Variants in CFAP54 observed in about 807,000 individuals in gnomAD.
The protein encoded by CFAP54 is cilia and flagella associated protein 54.
Under a neutral mutation model 370.4 loss-of-function variants are expected in CFAP54, and 290 were observed. The observed-to-expected ratio is 0.78, with a 90% CI of 0.71 to 0.86. The LOEUF (loss-of-function observed/expected upper bound fraction) is 0.86, where lower values mean the gene tolerates loss of function less well. CFAP54 is among the 40% of genes least tolerant of loss of function. The pLI, the probability that CFAP54 is intolerant of heterozygous loss-of-function variation, is 0.00. For synonymous variants in CFAP54, 1,206 were observed against 1,236.5 expected (o/e 0.98, Z 0.52); for missense variants, 3,399 against 3,528.7 (o/e 0.96, Z 0.93).
At chr12:96,639,283 G>A (rs1348268537) in intron 32 of CFAP54, among the ~76,000 whole-genome samples, 7 of 152,094 alleles carry the variant, frequency 4.6e-5, no homozygotes, top group African/African-American at 9.7e-5. Flanking sequence ...AACTACCATC[G>A]GAGAATACTA....
Position 96,718,664 on chromosome 12 carries a change from G to T in CFAP54, c.6804+142G>T, listed in dbSNP as rs558364685. 8 of 570,158 alleles carry T rather than the reference G, an allele frequency of 1.4e-5. No individual in the cohort carries two copies. In the South Asian group the frequency reaches 1.7e-4, roughly 12 times the overall value. 35.3% of individuals were successfully genotyped at this position (570,158 alleles called of 1,614,324 possible). Reference sequence around the variant, plus strand: ...TGTGTAAGAATGGGTTGGAGCCAGAGGTGGAGTTTACTCCTCATGAGAAAA... The same window carrying T: ...TGTGTAAGAATGGGTTGGAGCCAGATGTGGAGTTTACTCCTCATGAGAAAA... On this transcript the variant is annotated intron_variant, in intron 49 of 67. Coordinates refer to ENST00000524981, the MANE Select transcript of CFAP54 (RefSeq NM_001306084.2).
chr12:96,821,783 A>G (rs1029747125), intron 65 of CFAP54, among the ~76,000 whole-genome samples: 3 of 151,904 alleles, frequency 2.0e-5, no homozygotes, highest in South Asian at 2.1e-4. Context: ...TGTTGTCATG[A>G]CAACCTTCAC....
chr12:96,818,813 A>C (rs1209237012), intron 65 of CFAP54, among the ~76,000 whole-genome samples: 2 of 151,854 alleles, frequency 1.3e-5, no homozygotes, highest in Non-Finnish European at 2.9e-5. Flanking sequence ...GAGATAAGTC[A>C]CTCCACTCTT....
rs1958369883 is a variant in CFAP54, at chr12:96,764,127, A to G, written c.8041-24A>G. The G allele has an allele frequency of 2.6e-6, 4 of 1,516,830 alleles. No homozygotes were observed. The African/African-American group carries it at 4.1e-5, about 16-fold the overall frequency. 94.0% of individuals were successfully genotyped at this position (1,516,830 alleles called of 1,614,324 possible). ...AAGAGTTATCACAAAACTTTATATC[A>G]TAACACATTTGCCATATTTTTAGCC... On this transcript the variant is annotated intron_variant, in intron 58 of 67. Transcript: ENST00000524981.
At chr12:96,732,972 A>G (rs1957938660) in intron 50 of CFAP54, among the ~76,000 whole-genome samples, 2 of 152,190 alleles carry the variant, frequency 1.3e-5, no homozygotes, top group African/African-American at 4.8e-5. Flanking sequence ...TTTGGTATGA[A>G]GGATATGAGT....
At chr12:96,541,800 T>C (rs1292399331) in intron 14 of CFAP54, among the ~76,000 whole-genome samples, 1 of 152,180 alleles carries the variant, frequency 6.6e-6, no homozygotes, top group Non-Finnish European at 1.5e-5. Flanking sequence ...ATTCCTTCCT[T>C]TTAAAATTCT....
intron 63 of CFAP54, among the ~76,000 whole-genome samples, chr12:96,795,166 T>C (rs1183359401): frequency 6.6e-6 from 1 of 152,194 alleles, no homozygotes. Context: ...GTGGATTCTG[T>C]GAAGGTCCTT....
At chr12:96,825,044 C>G (rs1470422902) in intron 65 of CFAP54, among the ~76,000 whole-genome samples, 1 of 151,054 alleles carries the variant, frequency 6.6e-6, no homozygotes, top group Admixed American at 6.6e-5. Flanking sequence ...TCCCCCCACC[C>G]TACGCGCCCC....
chr12:96,742,535 G>T lies in CFAP54; in HGVS notation c.7168G>T (p.Ala2390Ser), dbSNP rs1202513276. ...NIHLWLRCRLALVTAFVAQIH... is the reference protein window; with the variant it reads ...NIHLWLRCRLSLVTAFVAQIH... Reference sequence around the variant, plus strand: ...TCATCTGTGGTTGAGGTGCCGCTTAGCATTGGTGACTGCATTTGTTGCACA... The same window carrying T: ...TCATCTGTGGTTGAGGTGCCGCTTATCATTGGTGACTGCATTTGTTGCACA... The change falls in exon 52 of 68, where the codon GCA becomes TCA. Residue 2390 changes from alanine (A) to serine (S), a missense_variant. Physicochemically the swap from Ala to Ser is moderately conservative, Grantham distance 99. Coordinates refer to ENST00000524981, the MANE Select transcript of CFAP54 (RefSeq NM_001306084.2). The T allele has an allele frequency of 6.2e-7, 1 of 1,613,278 alleles. No homozygotes were observed. The highest frequency in any genetic ancestry group is 8.5e-7 in the Non-Finnish European group (1 of 1,179,752).
intron 50 of CFAP54, among the ~76,000 whole-genome samples, chr12:96,734,985 A>G (rs1025264996): frequency 2.6e-5 from 4 of 152,210 alleles, no homozygotes; most frequent in African/African-American, 9.6e-5. Context: ...GTCAAATACC[A>G]TAAACTTTTC....
intron 39 of CFAP54, among the ~76,000 whole-genome samples, chr12:96,664,787 A>C (rs796379973): frequency 0.089 from 1,297 of 14,638 alleles, 42 homozygotes; most frequent in Non-Finnish European, 0.14. Flanking sequence ...CTATATATAT[A>C]TATATATATA....
intron 63 of CFAP54, among the ~76,000 whole-genome samples, chr12:96,806,678 G>A (rs1264195213): frequency 6.6e-6 from 1 of 152,156 alleles, no homozygotes; most frequent in East Asian, 1.9e-4. Flanking sequence ...TGGAAGTGCT[G>A]TAACTCAGGG....
intron 45 of CFAP54, among the ~76,000 whole-genome samples, chr12:96,694,802 T>C (rs1957425101): frequency 6.6e-6 from 1 of 151,592 alleles, no homozygotes; most frequent in Non-Finnish European, 1.5e-5. Context: ...GGTGGGCGGA[T>C]CACCAGGTCA....
Position 96,554,692 on chromosome 12 carries a change from A to T in CFAP54, c.2300A>T (p.Asp767Val), listed in dbSNP as rs1420763104. ...HCYAKRTHHIDGDTYKPLASN... is the reference protein window; with the variant it reads ...HCYAKRTHHIVGDTYKPLASN... The stretch of plus-strand genomic sequence containing the variant: ...GGACCAAAGCGTACCCACCATATAG[A>T]TGGAGATACTTACAAACCACTTGCC... The change falls in exon 17 of 68, where the codon GAT (aspartate) becomes GTT (valine). Residue 767 changes from aspartate (D) to valine (V), a missense_variant. By Grantham distance (152) the Asp-to-Val change is radical (BLOSUM62 -3). This residue lies in a region of CFAP54 where 2,796 missense variants were observed against 2,869.7 expected (regional missense o/e 0.97). Coordinates refer to ENST00000524981, the MANE Select transcript of CFAP54 (RefSeq NM_001306084.2). 50 of 1,533,900 alleles carry T rather than the reference A, an allele frequency of 3.3e-5. No homozygotes were observed. The highest frequency in any genetic ancestry group is 3.4e-5 in the Non-Finnish European group (39 of 1,145,580).
chr12:96,827,613 A>G lies in CFAP54; in HGVS notation c.9097-1401A>G, dbSNP rs186120536. Among the ~76,000 whole-genome samples, 511 of 115,600 alleles carry G rather than the reference A, an allele frequency of 4.4e-3. 31 individuals carry two copies. The highest frequency in any genetic ancestry group is 0.018 in the East Asian group (72 of 3,928). 75.8% of individuals were successfully genotyped at this position (115,600 alleles called of 152,430 possible). ...TATATGTGATTATATATAGTGTGCAATTATATGTGATTATATATAATGTGT... is the reference window on the plus strand; with the variant it reads ...TATATGTGATTATATATAGTGTGCAGTTATATGTGATTATATATAATGTGT... On this transcript the variant is annotated intron_variant, in intron 65 of 67. Coordinates refer to ENST00000524981, the MANE Select transcript of CFAP54 (RefSeq NM_001306084.2).
intron 5 of CFAP54, among the ~76,000 whole-genome samples, chr12:96,517,869 C>T (rs1321170098): frequency 2.0e-5 from 3 of 152,072 alleles, no homozygotes; most frequent in East Asian, 1.9e-4. Context: ...TTACCCTGGA[C>T]GAGAGAGCTG....
intron 11 of CFAP54, among the ~76,000 whole-genome samples, chr12:96,535,060 ATTTAT>A (rs1955488193): frequency 7.3e-6 from 1 of 137,468 alleles, no homozygotes; most frequent in African/African-American, 2.9e-5. Context: ...GTGTTTATTT[ATTTAT>A]TTATTTATTT....
At chr12:96,707,831 G>C (rs1293830380) in intron 47 of CFAP54, among the ~76,000 whole-genome samples, 1 of 152,034 alleles carries the variant, frequency 6.6e-6, no homozygotes, top group African/African-American at 2.4e-5. Flanking sequence ...GTGAAGTGGA[G>C]GAAGCAAGGT....
chr12:96,548,080 G>T, intron 15 of CFAP54, 102 bp downstream of exon 15: 1 of 513,964 alleles, frequency 1.9e-6, no homozygotes, highest in African/African-American at 2.0e-5. Flanking sequence ...AAATAATTTT[G>T]AATATTTAAA....
Sources: gnomAD v4.1 joint callset for allele counts (sites outside exome capture counted in the v4.1 genomes callset) on GRCh38, gnomAD v4.1.1 for gene constraint, gnomAD v4.1.1 regional missense constraint, MANE v1.5 for transcripts, NCBI Gene and HGNC (gene_info 2026-07-23, HGNC 2026-07-21) for gene names.